The following ABCC4 variants were observed in gnomAD, a reference collection of about 807,000 sequenced individuals.
The protein encoded by ABCC4 is ATP binding cassette subfamily C member 4 (PEL blood group).
ABCC4 carries 102 observed loss-of-function variants against 168.5 expected under a neutral mutation model. That is an observed-to-expected ratio of 0.61 (90% CI 0.52 to 0.71). The LOEUF (loss-of-function observed/expected upper bound fraction) is 0.71, where lower values mean the gene tolerates loss of function less well. Among genes scored for constraint, ABCC4 ranks in the 30% least tolerant of loss-of-function variants. The pLI is 0.00. For synonymous variants in ABCC4, 617 were observed against 590.7 expected (o/e 1.04, Z -0.65); for missense variants, 1,402 against 1,605.8 (o/e 0.87, Z 2.17).
chr13:95,297,887 T>TA (rs2041576655), intron 1 of ABCC4, among the ~76,000 whole-genome samples: 1 of 152,184 alleles, frequency 6.6e-6, no homozygotes, highest in African/African-American at 2.4e-5. Flanking sequence ...ACGAGGTGAC[T>TA]GCTGTGTCAT....
chr13:95,210,867 G>T, intron 4 of ABCC4, 86 bp from the exon 5 acceptor site: 2 of 983,534 alleles, frequency 2.0e-6, no homozygotes, highest in Non-Finnish European at 3.1e-6. Context: ...AGGAAGTCTC[G>T]TGTGATGTCA....
At position 95,186,899 on chromosome 13, in the gene ABCC4, C is replaced by T. The variant is rs763069009; in HGVS notation, c.1354-7G>A. 4.4e-6 allele frequency: 7 copies of T among 1,598,732 alleles called. No individual in the cohort carries two copies. The East Asian group carries it at 1.6e-4, about 36-fold the overall frequency. On this transcript the variant is annotated splice_polypyrimidine_tract_variant and splice_region_variant and intron_variant, in intron 10 of 30. Transcript: ENST00000645237. Reference sequence around the variant, plus strand: ...CGGCACTTAACAGTGATGACTGAAACAGATTGTAAAAAAGCACATGTTCAG... The same window carrying T: ...CGGCACTTAACAGTGATGACTGAAATAGATTGTAAAAAAGCACATGTTCAG...
intron 11 of ABCC4, 75 bp from the exon 12 acceptor site, chr13:95,178,166 A>G: frequency 1.5e-6 from 2 of 1,357,254 alleles, no homozygotes; most frequent in Non-Finnish European, 2.1e-6. Context: ...GTGTTCTTCC[A>G]AAGTTATCCT....
At chr13:95,031,719 A>G (rs2031886667) in intron 30 of ABCC4, among the ~76,000 whole-genome samples, 1 of 152,198 alleles carries the variant, frequency 6.6e-6, no homozygotes, top group Admixed American at 6.5e-5. Flanking sequence ...CATTGATTTA[A>G]AAAAAGATTC....
At chr13:95,047,926 G>T (rs914768257) in intron 27 of ABCC4, among the ~76,000 whole-genome samples, 3 of 152,126 alleles carry the variant, frequency 2.0e-5, no homozygotes, top group African/African-American at 7.2e-5. Flanking sequence ...CCCTAAGAGG[G>T]TAGGGATTTT....
intron 4 of ABCC4, among the ~76,000 whole-genome samples, chr13:95,221,164 A>T (rs762905867): frequency 6.6e-6 from 1 of 152,246 alleles, no homozygotes; most frequent in Non-Finnish European, 1.5e-5. Context: ...GACAGAAAGT[A>T]AAATGGAGGA....
At chr13:95,195,765 C>G (rs1457907971) in intron 8 of ABCC4, among the ~76,000 whole-genome samples, 2 of 152,034 alleles carry the variant, frequency 1.3e-5, no homozygotes, top group Admixed American at 6.6e-5. Flanking sequence ...TCCCAAGTAG[C>G]TGGGATTACA....
chr13:95,058,605 AAAAAG>A (rs2033166142), intron 26 of ABCC4, among the ~76,000 whole-genome samples: 4 of 150,704 alleles, frequency 2.7e-5, no homozygotes, highest in Non-Finnish European at 3.0e-5. Context: ...AAAGAAAAAG[AAAAAG>A]AAAAGAAAAA....
chr13:95,112,890 G>C (rs2035251877), intron 20 of ABCC4, among the ~76,000 whole-genome samples: 1 of 152,102 alleles, frequency 6.6e-6, no homozygotes, highest in African/African-American at 2.4e-5. Context: ...CAAAACCCAG[G>C]GCCCCAGTGT....
intron 20 of ABCC4, among the ~76,000 whole-genome samples, chr13:95,101,989 C>T (rs2034826171): frequency 6.6e-6 from 1 of 152,172 alleles, no homozygotes; most frequent in South Asian, 2.1e-4. Flanking sequence ...CAATAACCCT[C>T]ATGGAATAGG....
At chr13:95,258,748 C>T (rs1343398676) in intron 1 of ABCC4, among the ~76,000 whole-genome samples, 1 of 152,068 alleles carries the variant, frequency 6.6e-6, no homozygotes, top group Admixed American at 6.5e-5. Context: ...GCCCAGCAAC[C>T]CTCTTTAAGC....
chr13:95,161,500 A>G (rs543913521), intron 18 of ABCC4, among the ~76,000 whole-genome samples, 165 bp from the exon 19 acceptor site: 1 of 152,340 alleles, frequency 6.6e-6, no homozygotes, highest in South Asian at 2.1e-4. Context: ...TTGACAAAGA[A>G]GGATTAAAAT....
intron 4 of ABCC4, among the ~76,000 whole-genome samples, chr13:95,213,236 CAT>C (rs1172289929): frequency 6.6e-6 from 1 of 151,934 alleles, no homozygotes; most frequent in African/African-American, 2.4e-5. Context: ...TTGGGCAAAA[CAT>C]ATGACACAGC....
At chr13:95,104,285 T>G (rs1314952342) in intron 20 of ABCC4, among the ~76,000 whole-genome samples, 1 of 152,180 alleles carries the variant, frequency 6.6e-6, no homozygotes, top group Non-Finnish European at 1.5e-5. Flanking sequence ...AGCTAATTTT[T>G]GGGTTTTTAG....
At chr13:95,065,955 TTCCGAAGTACAGCTC>T (rs1408481199) in intron 25 of ABCC4, among the ~76,000 whole-genome samples, 1 of 152,202 alleles carries the variant, frequency 6.6e-6, no homozygotes, top group African/African-American at 2.4e-5. Context: ...CAGATTAAAC[TTCCGAAGTACAGCTC>T]TCTGCCTGGC....
chr13:95,263,804 CAG>C (rs2040597204), intron 1 of ABCC4, among the ~76,000 whole-genome samples: 1 of 146,502 alleles, frequency 6.8e-6, no homozygotes, highest in South Asian at 2.3e-4. Flanking sequence ...GCCTGGGTAA[CAG>C]AGACTCTGTC....
At chr13:95,067,243 C>T (rs111300242) in intron 25 of ABCC4, among the ~76,000 whole-genome samples, 3,980 of 152,024 alleles carry the variant, frequency 0.026, 188 homozygotes, top group African/African-American at 0.09. Context: ...CAGAGATGAC[C>T]GGAAAGGTGC....
chr13:95,301,321 G>T lies in ABCC4; in HGVS notation c.-7C>A, dbSNP rs776631569. 1 of 1,581,482 alleles carries T rather than the reference G, an allele frequency of 6.3e-7. No homozygotes were observed. The highest frequency in any genetic ancestry group is 2.4e-5 in the East Asian group (1 of 42,280). ...CCTGGTACACGGGCAGCATCTTGCC[G>T]GGCGGGGCGGGCGCGGGCCGGGGTC... On this transcript the variant is annotated 5_prime_UTR_variant, in exon 1 of 31. Coordinates refer to ENST00000645237, the MANE Select transcript of ABCC4 (RefSeq NM_005845.5).
chr13:95,196,558 AAGGAAAGG>A (rs1472966909), intron 8 of ABCC4, among the ~76,000 whole-genome samples: 44 of 131,136 alleles, frequency 3.4e-4, no homozygotes, highest in African/African-American at 5.3e-4. Flanking sequence ...AAAAAAATAA[AAGGAAAGG>A]AGGAAAGGAG....
Sources: gnomAD v4.1 joint callset for allele counts (sites outside exome capture counted in the v4.1 genomes callset) on GRCh38, gnomAD v4.1.1 for gene constraint, MANE v1.5 for transcripts, NCBI Gene and HGNC (gene_info 2026-07-23, HGNC 2026-07-21) for gene names.